The following NR3C2 variants were observed in gnomAD, a reference collection of about 807,000 sequenced individuals.
NR3C2 encodes the protein nuclear receptor subfamily 3 group C member 2.
In NR3C2, 15 loss-of-function variants were observed where a neutral mutation model predicts 86.4. The observed-to-expected ratio is 0.17, with a 90% CI of 0.12 to 0.27. The LOEUF is 0.27. Ranked by LOEUF, NR3C2 falls within the 10% of genes least tolerant of loss-of-function variation. The probability of loss-of-function intolerance (pLI) is 1.00; values close to 1 mark genes in which losing one functional copy is unlikely to be tolerated. For synonymous variants in NR3C2, 458 were observed against 450.5 expected (o/e 1.02, Z -0.21); for missense variants, 960 against 1,195.6 (o/e 0.80, Z 2.91).
chr4:148,345,647 T>C (rs1019964620), intron 2 of NR3C2, among the ~76,000 whole-genome samples: 28 of 151,878 alleles, frequency 1.8e-4, no homozygotes, highest in Non-Finnish European at 7.4e-5. Flanking sequence ...TAGTAAACTT[T>C]CTGTCACTAG....
chr4:148,338,924 A>G (rs969532561), intron 2 of NR3C2, among the ~76,000 whole-genome samples: 6 of 152,238 alleles, frequency 3.9e-5, no homozygotes, highest in Non-Finnish European at 8.8e-5. Context: ...CCAAACACCT[A>G]AAATATTTTC....
chr4:148,086,990 C>CTGTT (rs1347438889), intron 8 of NR3C2, among the ~76,000 whole-genome samples: 3 of 152,238 alleles, frequency 2.0e-5, no homozygotes, highest in Non-Finnish European at 2.9e-5. Flanking sequence ...CAAATTGTCT[C>CTGTT]TGTTTGCAGA....
At chr4:148,241,315 A>G (rs1258649640) in intron 3 of NR3C2, among the ~76,000 whole-genome samples, 3 of 144,154 alleles carry the variant, frequency 2.1e-5, no homozygotes, top group African/African-American at 7.7e-5. Flanking sequence ...CAAAAAAAAA[A>G]AAAAAAAAAA....
At chr4:148,283,483 T>C (rs1741352332) in intron 2 of NR3C2, among the ~76,000 whole-genome samples, 1 of 152,186 alleles carries the variant, frequency 6.6e-6, no homozygotes, top group African/African-American at 2.4e-5. Flanking sequence ...GTTTTTCCCA[T>C]GGTGATCACC....
At chr4:148,298,499 C>T (rs1221593399) in intron 2 of NR3C2, among the ~76,000 whole-genome samples, 1 of 152,148 alleles carries the variant, frequency 6.6e-6, no homozygotes, top group African/African-American at 2.4e-5. Context: ...AAAATAAGAA[C>T]AAATTGCTAA....
intron 3 of NR3C2, among the ~76,000 whole-genome samples, chr4:148,254,109 T>C (rs1739709336): frequency 6.6e-6 from 1 of 152,132 alleles, no homozygotes; most frequent in African/African-American, 2.4e-5. Flanking sequence ...CTGATAGCCC[T>C]GGTCTAGGTC....
At chr4:148,427,595 G>A (rs1029737553) in intron 2 of NR3C2, among the ~76,000 whole-genome samples, 1 of 151,862 alleles carries the variant, frequency 6.6e-6, no homozygotes, top group African/African-American at 2.4e-5. Flanking sequence ...GGACAGCCCA[G>A]CACGGGAGTC....
chr4:148,399,637 TAAAC>T (rs952025648), intron 2 of NR3C2, among the ~76,000 whole-genome samples: 4 of 151,760 alleles, frequency 2.6e-5, no homozygotes, highest in South Asian at 4.1e-4. Context: ...ACACCTTACA[TAAAC>T]AAACACTACT....
chr4:148,353,944 T>C (rs1745426902), intron 2 of NR3C2, among the ~76,000 whole-genome samples: 1 of 152,158 alleles, frequency 6.6e-6, no homozygotes, highest in South Asian at 2.1e-4. Context: ...AATACCTCTT[T>C]CACCATCCCT....
At chr4:148,085,566 C>T (rs1298323674) in intron 8 of NR3C2, among the ~76,000 whole-genome samples, 1 of 152,140 alleles carries the variant, frequency 6.6e-6, no homozygotes, top group African/African-American at 2.4e-5. Flanking sequence ...GATACCCTAA[C>T]ATCACAATTA....
At chr4:148,444,470 G>C (rs982405710), upstream of NR3C2, 3 of 985,912 alleles carry the variant, frequency 3.0e-6, no homozygotes, top group Admixed American at 1.8e-4. Context: ...CCGCCCCTGC[G>C]CTCTCCGGAC....
chr4:148,252,124 A>C (rs776549185), intron 3 of NR3C2, among the ~76,000 whole-genome samples: 7 of 152,206 alleles, frequency 4.6e-5, no homozygotes, highest in African/African-American at 9.7e-5. Flanking sequence ...GAGGATAGAT[A>C]ATAACCCCAC....
chr4:148,350,607 A>G (rs561176818), intron 2 of NR3C2, among the ~76,000 whole-genome samples: 1 of 152,218 alleles, frequency 6.6e-6, no homozygotes. Flanking sequence ...CCATTTTTAC[A>G]AAGTCACCAT....
intron 2 of NR3C2, among the ~76,000 whole-genome samples, chr4:148,321,788 G>C (rs1430501226): frequency 6.6e-6 from 1 of 152,094 alleles, no homozygotes. Context: ...ACATGAGATG[G>C]GTTTCCTGAA....
In NR3C2 at chr4:148,435,592, G is replaced by A. The variant is rs200381347; in HGVS notation, c.1269C>T (p.Phe423=). 1.2e-5 allele frequency: 19 copies of A among 1,614,130 alleles called. No homozygotes were observed. In the Admixed American group the frequency reaches 1.7e-4, roughly 14 times the overall value. Reference sequence around the variant, plus strand: ...TTGATTCTTGCTTTATTGGTACTGAGAATGAAGAATCCGAATTTATTTTGC... The same window carrying A: ...TTGATTCTTGCTTTATTGGTACTGAAAATGAAGAATCCGAATTTATTTTGC... The part of the protein sequence containing the change: ...GNSKINSDSS[F]SVPIKQESTK... The change falls in exon 2 of 9, where the codon TTC becomes TTT. Residue 423 remains phenylalanine (F), a synonymous_variant. Coordinates refer to ENST00000358102, the MANE Select transcript of NR3C2 (RefSeq NM_000901.5).
intron 2 of NR3C2, among the ~76,000 whole-genome samples, chr4:148,405,025 A>G (rs1235758006): frequency 6.6e-6 from 1 of 152,242 alleles, no homozygotes; most frequent in African/African-American, 2.4e-5. Context: ...ATTAAATTTC[A>G]AATACTTTAT....
At chr4:148,202,784 C>T (rs185967111) in intron 3 of NR3C2, among the ~76,000 whole-genome samples, 2 of 152,288 alleles carry the variant, frequency 1.3e-5, no homozygotes, top group South Asian at 2.1e-4. Context: ...AGGTTCCCCC[C>T]TCATCCCCCT....
intron 8 of NR3C2, among the ~76,000 whole-genome samples, chr4:148,083,653 C>T (rs762794985): frequency 1.4e-4 from 21 of 152,210 alleles, no homozygotes; most frequent in Admixed American, 3.9e-4. Flanking sequence ...CACAACTCCT[C>T]GTCAGCAAGG....
At chr4:148,326,084 A>T (rs556045809) in intron 2 of NR3C2, among the ~76,000 whole-genome samples, 3 of 152,228 alleles carry the variant, frequency 2.0e-5, no homozygotes, top group Middle Eastern at 3.4e-3. Flanking sequence ...AAAACTACAG[A>T]TGTTTCATTT....
Sources: gnomAD v4.1 joint callset for allele counts (sites outside exome capture counted in the v4.1 genomes callset) on GRCh38, gnomAD v4.1.1 for gene constraint, MANE v1.5 for transcripts, NCBI Gene and HGNC (gene_info 2026-07-23, HGNC 2026-07-21) for gene names.